Variants in RHOBTB3 observed in about 807,000 individuals in gnomAD.
The protein encoded by RHOBTB3 is Rho related BTB domain containing 3, also known as rho-related BTB domain-containing protein 3.
Under a neutral mutation model 67.2 loss-of-function variants are expected in RHOBTB3, and 47 were observed. The ratio of observed to expected loss-of-function variants is 0.70; its 90% CI spans 0.55 to 0.89. RHOBTB3 has a LOEUF of 0.89. Among genes scored for constraint, RHOBTB3 ranks in the 40% least tolerant of loss-of-function variants. The pLI, the probability that RHOBTB3 is intolerant of heterozygous loss-of-function variation, is 0.00. For missense variants in RHOBTB3, 631 were observed against 750.0 expected (o/e 0.84, Z 1.85); for synonymous variants, 273 against 274.2 (o/e 1.00, Z 0.04).
rs1231912001 is a variant in RHOBTB3 at position 95,731,688 on chromosome 5, C to A, written c.2+4C>A. 4.3e-6 allele frequency: 7 copies of A among 1,613,410 alleles called. No individual in the cohort carries two copies. The highest frequency in any genetic ancestry group is 5.9e-6 in the Non-Finnish European group (7 of 1,179,770). On this transcript the variant is annotated splice_donor_region_variant and intron_variant, in intron 1 of 11. Transcript: ENST00000379982. ...CTGCCCTTGGATTTGAGATCATGTA[C>A]GTACGCGCCGCCGTCCTGCCATTGT... is the stretch of plus-strand genomic sequence containing the variant.
intron 3 of RHOBTB3, among the ~76,000 whole-genome samples, chr5:95,745,557 A>G (rs1744871097): frequency 6.6e-6 from 1 of 152,180 alleles, no homozygotes; most frequent in Non-Finnish European, 1.5e-5. Context: ...AGCAGTGGCA[A>G]TGTTGTAAGA....
intron 11 of RHOBTB3, among the ~76,000 whole-genome samples, chr5:95,790,950 G>A (rs1746365935): frequency 2.0e-5 from 3 of 152,156 alleles, no homozygotes; most frequent in African/African-American, 7.2e-5. Flanking sequence ...CATCCTAGTG[G>A]CAACATGTGG....
At chr5:95,760,822 A>G (rs1745374002) in intron 6 of RHOBTB3, among the ~76,000 whole-genome samples, 1 of 152,218 alleles carries the variant, frequency 6.6e-6, no homozygotes, top group East Asian at 1.9e-4. Context: ...AAGTTTTCTA[A>G]GAGGGTAAAT....
Position 95,793,531 on chromosome 5 carries a change from T to A in RHOBTB3, c.*357T>A. ...ATTAATACAGAAATTTAATCATGTC[T>A]GATTAATTGCTCTATTAAAATAAGG... is the stretch of plus-strand genomic sequence containing the variant. On this transcript the variant is annotated 3_prime_UTR_variant, in exon 12 of 12. Coordinates refer to ENST00000379982, the MANE Select transcript of RHOBTB3 (RefSeq NM_014899.4). The A allele has an allele frequency of 5.9e-6, 1 of 168,662 alleles. No individual in the cohort carries two copies. Among genetic ancestry groups the A allele is most frequent in the African/African-American group, 2.4e-5 (1 of 41,848 alleles). The allele number at this position is 168,662 out of a possible 1,614,324, so 10.4% of individuals were successfully genotyped here.
At chr5:95,745,283 G>A (rs1744857898) in intron 3 of RHOBTB3, among the ~76,000 whole-genome samples, 2 of 151,886 alleles carry the variant, frequency 1.3e-5, no homozygotes, top group Admixed American at 6.5e-5. Context: ...GTATAATCCA[G>A]TCTCATTTCT....
At chr5:95,779,784 T>C (rs1012491514) in intron 8 of RHOBTB3, among the ~76,000 whole-genome samples, 2 of 152,142 alleles carry the variant, frequency 1.3e-5, no homozygotes, top group African/African-American at 4.8e-5. Context: ...TACGGACAGC[T>C]TATGGTTTAC....
At chr5:95,768,230 C>T in intron 8 of RHOBTB3, 64 bp downstream of exon 8, 1 of 1,489,950 alleles carries the variant, frequency 6.7e-7, no homozygotes, top group Non-Finnish European at 9.2e-7. Context: ...TCCTTGCTTT[C>T]TACTTCAGGT....
intron 1 of RHOBTB3, among the ~76,000 whole-genome samples, chr5:95,720,514 C>G (rs552244192): frequency 6.6e-6 from 1 of 152,258 alleles, no homozygotes; most frequent in South Asian, 2.1e-4. Context: ...TAATAGTGTA[C>G]AATTTGTGCC....
intron 3 of RHOBTB3, among the ~76,000 whole-genome samples, chr5:95,740,168 C>A (rs897813643): frequency 5.3e-5 from 8 of 152,222 alleles, no homozygotes; most frequent in African/African-American, 2.4e-5. Flanking sequence ...TCCTCCTCCA[C>A]CTTCCATCAT....
chr5:95,740,963 C>T (rs777972526), intron 3 of RHOBTB3, among the ~76,000 whole-genome samples: 5 of 152,014 alleles, frequency 3.3e-5, no homozygotes, highest in Non-Finnish European at 5.9e-5. Context: ...AGAACAAGGC[C>T]GTTATCTTAT....
intron 7 of RHOBTB3, among the ~76,000 whole-genome samples, chr5:95,767,538 A>C (rs535097841): frequency 6.6e-6 from 1 of 152,244 alleles, no homozygotes; most frequent in South Asian, 2.1e-4. Flanking sequence ...GGGTTTTGCT[A>C]TGTTGGCCAG....
At chr5:95,789,788 A>T (rs1012271187) in intron 11 of RHOBTB3, 3 of 152,204 alleles carry the variant, frequency 2.0e-5, no homozygotes, top group Non-Finnish European at 2.9e-5. Flanking sequence ...GTTCCACTTT[A>T]TCTGTTTCAT....
In RHOBTB3 at chr5:95,788,842, A is replaced by T. The variant is rs759336231; in HGVS notation, c.1704A>T (p.Glu568Asp). The change falls in exon 11 of 12, where the codon GAA (glutamate) becomes GAT (aspartate). Residue 568 changes from glutamate (E) to aspartate (D), a missense_variant. By Grantham distance (45) the Glu-to-Asp change is conservative (BLOSUM62 2). Coordinates refer to ENST00000379982, the MANE Select transcript of RHOBTB3 (RefSeq NM_014899.4). ...ACCTCATCTTCAGTCAAAAGCCTGA[A>T]TTTCAGGATCTTTCAGGTAGATTGC... Reference protein sequence around the residue: ...TNYLIFSQKPEFQDLSVEERS... With the variant: ...TNYLIFSQKPDFQDLSVEERS... The T allele has an allele frequency of 1.5e-5, 23 of 1,557,210 alleles. No homozygotes were observed. The highest frequency in any genetic ancestry group is 2.0e-5 in the Non-Finnish European group (23 of 1,158,832).
At position 95,731,724 on chromosome 5, in the gene RHOBTB3, C is replaced by A. The variant is rs751173968; in HGVS notation, c.2+40C>A. The stretch of plus-strand genomic sequence containing the variant: ...CCGTCCTGCCATTGTCTCTCTCCAG[C>A]GCGTGCCGTGCGCCCCAGGGACAGG... On this transcript the variant is annotated intron_variant, in intron 1 of 11. Coordinates refer to ENST00000379982, the MANE Select transcript of RHOBTB3 (RefSeq NM_014899.4). 21 of 1,612,798 alleles carry A rather than the reference C, an allele frequency of 1.3e-5. No individual in the cohort carries two copies. The African/African-American group carries it at 2.4e-4, about 18-fold the overall frequency.
chr5:95,762,746 G>C (rs1485586546), intron 6 of RHOBTB3, among the ~76,000 whole-genome samples: 1 of 152,194 alleles, frequency 6.6e-6, no homozygotes, highest in Non-Finnish European at 1.5e-5. Flanking sequence ...TGGGGAAAAG[G>C]CTGTTAGGAA....
intron 6 of RHOBTB3, among the ~76,000 whole-genome samples, chr5:95,762,348 T>C (rs1745417221): frequency 6.6e-6 from 1 of 152,152 alleles, no homozygotes; most frequent in Non-Finnish European, 1.5e-5. Context: ...TTGGTTTTAG[T>C]TGGTACAGAC....
At chr5:95,734,606 A>C (rs1755410032) in intron 2 of RHOBTB3, among the ~76,000 whole-genome samples, 1 of 152,106 alleles carries the variant, frequency 6.6e-6, no homozygotes, top group Non-Finnish European at 1.5e-5. Flanking sequence ...GATTCATTAG[A>C]TGTAGCACAT....
rs879037198 is a variant in RHOBTB3 at position 95,793,484 on chromosome 5, TAA to T, written c.*321_*322del. On this transcript the variant is annotated 3_prime_UTR_variant, in exon 12 of 12. Transcript: ENST00000379982. ...CCTCTCAGTTAAGAAATGCTTAGAT[TAA>T]AAAAAAAAAATTACGTAGGATTAAT... 61 of 179,648 alleles carry T rather than the reference TAA, an allele frequency of 3.4e-4. No homozygotes were observed. Among genetic ancestry groups the T allele is most frequent in the Non-Finnish European group, 5.0e-4 (44 of 88,208 alleles). 11.1% of individuals were successfully genotyped at this position (179,648 alleles called of 1,614,324 possible).
chr5:95,746,996 G>C (rs1744934131), intron 3 of RHOBTB3, among the ~76,000 whole-genome samples: 1 of 152,186 alleles, frequency 6.6e-6, no homozygotes, highest in African/African-American at 2.4e-5. Flanking sequence ...CTGCATATGC[G>C]ATGGGGGAGT....
Sources: allele counts gnomAD v4.1 joint callset (sites outside exome capture counted in the v4.1 genomes callset), GRCh38; gene constraint gnomAD v4.1.1; transcripts MANE v1.5; gene names NCBI Gene and HGNC (gene_info 2026-07-23, HGNC 2026-07-21).